The following SMARCA2 variants were observed in gnomAD, a reference collection of about 807,000 sequenced individuals.
SMARCA2 encodes SWI/SNF-related matrix-associated actin-dependent regulator of chromatin subfamily A member 2.
In SMARCA2, 61 loss-of-function variants were observed where a neutral mutation model predicts 199.8. That is an observed-to-expected ratio of 0.31 (90% confidence interval 0.25 to 0.38). The LOEUF is 0.38. Ranked by LOEUF, SMARCA2 falls within the 10% of genes least tolerant of loss-of-function variation. The probability of loss-of-function intolerance (pLI) is 1.00; values close to 1 mark genes in which losing one functional copy is unlikely to be tolerated. For synonymous variants in SMARCA2, 935 were observed against 732.0 expected (o/e 1.28, Z -4.48); for missense variants, 1,344 against 2,012.2 (o/e 0.67, Z 6.35).
chr9:2,023,396 A>G (rs2130142611), intron 1 of SMARCA2, among the ~76,000 whole-genome samples: 1 of 152,340 alleles, frequency 6.6e-6, no homozygotes, highest in East Asian at 1.9e-4. Context: ...AACAGAGCAA[A>G]GTTTTAATCT....
In SMARCA2 at chr9:2,158,626, C is replaced by G. The variant is rs532948642; in HGVS notation, c.3982-3060C>G. 2.1e-4 allele frequency: 53 copies of G among 257,298 alleles called. 2 individuals are homozygous for G. Among genetic ancestry groups the G allele is most frequent in the African/African-American group, 1.1e-3 (51 of 45,300 alleles). The allele number at this position is 257,298 out of a possible 1,614,324, so 15.9% of individuals were successfully genotyped here. On this transcript the variant is annotated intron_variant, in intron 27 of 33. Transcript: ENST00000349721. Reference sequence around the variant, plus strand: ...AAGGGAATTCTTTTTGGGGGTAGTACTTTAGCATTGTGTAGCAAGTTTTGG... The same window carrying G: ...AAGGGAATTCTTTTTGGGGGTAGTAGTTTAGCATTGTGTAGCAAGTTTTGG...
chr9:2,186,263 C>A, intron 32 of SMARCA2, 35 bp downstream of exon 32: 1 of 1,590,104 alleles, frequency 6.3e-7, no homozygotes, highest in African/African-American at 1.3e-5. Context: ...TACATCTTTG[C>A]CCCTCCTCAC....
rs576109831 is a variant in SMARCA2, at chr9:2,078,288, A to G, written c.2184+512A>G. Among the ~76,000 whole-genome samples the G allele has an allele frequency of 1.8e-4, 28 of 152,146 alleles. No individual in the cohort carries two copies. In the Middle Eastern group the frequency reaches 0.01, roughly 55 times the overall value. On this transcript the variant is annotated intron_variant, in intron 14 of 33. Coordinates refer to ENST00000349721, the MANE Select transcript of SMARCA2 (RefSeq NM_003070.5). ...GGAGCTCGAGACCAGCCTGGCCAAC[A>G]TGGTGAAACCCTCTCTCTACTAAAA...
Position 2,161,601 on chromosome 9 carries a change from G to T in SMARCA2, c.3982-85G>T. The T allele has an allele frequency of 3.6e-6, 3 of 841,598 alleles. No individual in the cohort carries two copies. Among genetic ancestry groups the T allele is most frequent in the South Asian group, 1.8e-5 (1 of 56,384 alleles). 52.1% of individuals were successfully genotyped at this position (841,598 alleles called of 1,614,324 possible). On this transcript the variant is annotated intron_variant, in intron 27 of 33. Transcript: ENST00000349721. The surrounding 1 kb of genome is among the most constrained non-coding windows in gnomAD (Gnocchi z 4.7). ...TTTCTTTCATTTTATTCTAATTGTT[G>T]GAGCTATATATAAATATACACATAC...
rs371923477 is a variant in SMARCA2, at chr9:2,024,699, ACT to A, written c.-36-4285_-36-4284del. Among the ~76,000 whole-genome samples, 72 of 151,452 alleles carry A rather than the reference ACT, an allele frequency of 4.8e-4. No homozygotes were observed. In the South Asian group the frequency reaches 0.014, roughly 29 times the overall value. The stretch of plus-strand genomic sequence containing the variant: ...TGCACATTGCTCTGGCCTGGTGAAA[ACT>A]CTGGTGGAAACATGGCTTGCTAGAT... On this transcript the variant is annotated intron_variant, in intron 1 of 33. Coordinates refer to ENST00000349721, the MANE Select transcript of SMARCA2 (RefSeq NM_003070.5).
chr9:2,087,854 G>C (rs1379073629), intron 18 of SMARCA2, among the ~76,000 whole-genome samples: 1 of 152,160 alleles, frequency 6.6e-6, no homozygotes. Context: ...TCACTGGCTT[G>C]CCCATTTGTA....
rs1013710266 is a variant in SMARCA2 at position 2,016,643 on chromosome 9, G to T, written c.-37+1239G>T. ...CGGGCAGCGGCGGTGTGGTTCGCCC[G>T]GGAAGGGGAAGGGCTGCGGTGGGGA... On this transcript the variant is annotated intron_variant, in intron 1 of 33. Coordinates refer to ENST00000349721, the MANE Select transcript of SMARCA2 (RefSeq NM_003070.5). This position sits in a 1 kb window ranked among gnomAD's most constrained non-coding sequence, Gnocchi z 5.6. 6.6e-6 allele frequency among the ~76,000 whole-genome samples: 1 copy of T among 151,274 alleles called. No homozygotes were observed. The highest frequency in any genetic ancestry group is 1.5e-5 in the Non-Finnish European group (1 of 67,742).
At chr9:2,079,661 C>T (rs1322221917) in intron 14 of SMARCA2, among the ~76,000 whole-genome samples, 1 of 152,160 alleles carries the variant, frequency 6.6e-6, no homozygotes, top group Non-Finnish European at 1.5e-5. Flanking sequence ...CTGCTCTGGC[C>T]TTAGTAAGAT....
At chr9:2,143,456 C>T (rs1490426914) in intron 27 of SMARCA2, among the ~76,000 whole-genome samples, 1 of 152,088 alleles carries the variant, frequency 6.6e-6, no homozygotes, top group East Asian at 1.9e-4. Flanking sequence ...AGAGAAGATA[C>T]CATTTGCATT....
intron 27 of SMARCA2, among the ~76,000 whole-genome samples, chr9:2,145,013 A>G (rs1226316696): frequency 6.6e-6 from 1 of 152,160 alleles, no homozygotes; most frequent in African/African-American, 2.4e-5. Context: ...AAACTTAGAG[A>G]AACGCGCTGG....
At chr9:2,124,400 A>G (rs1823596781) in intron 27 of SMARCA2, among the ~76,000 whole-genome samples, 1 of 152,200 alleles carries the variant, frequency 6.6e-6, no homozygotes, top group Non-Finnish European at 1.5e-5. Context: ...GGGATAGCAG[A>G]GTTTTCTAAC....
At position 2,020,383 on chromosome 9, in the gene SMARCA2, A is replaced by G. The variant is rs369743001; in HGVS notation, c.-37+4979A>G. On this transcript the variant is annotated intron_variant, in intron 1 of 33. Coordinates refer to ENST00000349721, the MANE Select transcript of SMARCA2 (RefSeq NM_003070.5). ...TAACCTTTAGCCGGTTAATAAAGCC[A>G]TGGGTCATTCGCTAAGTAGTGAATA... Among the ~76,000 whole-genome samples the G allele has an allele frequency of 7.2e-5, 11 of 152,262 alleles. No homozygotes were observed. In the East Asian group the frequency reaches 1.3e-3, roughly 19 times the overall value.
At chr9:2,186,389 C>T (rs982331904) in intron 32 of SMARCA2, among the ~76,000 whole-genome samples, 161 bp downstream of exon 32, 2 of 152,162 alleles carry the variant, frequency 1.3e-5, no homozygotes, top group South Asian at 2.1e-4. Context: ...TGTCCTTATC[C>T]CTGCTCATGC....
At chr9:2,055,962 A>T (rs1442108917) in intron 6 of SMARCA2, among the ~76,000 whole-genome samples, 1 of 152,012 alleles carries the variant, frequency 6.6e-6, no homozygotes, top group Non-Finnish European at 1.5e-5. Context: ...AAGCTTCCTA[A>T]TTAAATTAAC....
chr9:2,182,143 A>T lies in SMARCA2; in HGVS notation c.4362A>T (p.Glu1454Asp), dbSNP rs1303779231. 2 of 1,595,606 alleles carry T rather than the reference A, an allele frequency of 1.3e-6. No individual in the cohort carries two copies. The highest frequency in any genetic ancestry group is 4.5e-5 in the East Asian group (2 of 44,822). ...ATTTTCTCCAAAATTTCCATCAGGA[A>T]AGGATTCGTAATCATAAGTACCGGA... Reference protein sequence around the residue: ...RKPVDFKKIKERIRNHKYRSL... With the variant: ...RKPVDFKKIKDRIRNHKYRSL... Residue 1454 changes from glutamate to aspartate, a missense_variant and splice_region_variant, in exon 31 of 34, where the codon GAA becomes GAT. Physicochemically the swap from Glu to Asp is conservative, Grantham distance 45. Around this residue, in one of 18 missense-constraint regions of SMARCA2, gnomAD observed 151 missense variants for 154.0 expected, o/e 0.98. Transcript: ENST00000349721.
chr9:2,056,774 G>C lies in SMARCA2; in HGVS notation c.1276G>C (p.Ala426Pro), dbSNP rs1820373038. ...GAGCAAGCGCCAGACTCTGAGAGAA[G>C]CTCGCATGACCGAGAAGCTGGAGAA... ...KRSKRQTLRE[A>P]RMTEKLEKQQ... Residue 426 changes from alanine to proline, a missense_variant, in exon 7 of 34, where the codon GCT (alanine) becomes CCT (proline). Transcript: ENST00000349721. This position sits in a 1 kb window ranked among gnomAD's most constrained non-coding sequence, Gnocchi z 4.0. 1 of 1,614,238 alleles carries C rather than the reference G, an allele frequency of 6.2e-7. No individual in the cohort carries two copies.
chr9:2,094,331 G>A (rs761525565), intron 19 of SMARCA2, among the ~76,000 whole-genome samples: 2 of 152,176 alleles, frequency 1.3e-5, no homozygotes, highest in Non-Finnish European at 1.5e-5. Flanking sequence ...ACTTGACCTC[G>A]TTGAGAATGC....
rs1819482744 is a variant in SMARCA2, at chr9:2,039,485, A to T, written c.375A>T (p.Pro125=). The T allele has an allele frequency of 6.2e-7, 1 of 1,613,784 alleles. No individual in the cohort carries two copies. Among genetic ancestry groups the T allele is most frequent in the South Asian group, 1.1e-5 (1 of 91,080 alleles). Residue 125 remains proline, a synonymous_variant, in exon 4 of 34, where the codon CCA becomes CCT. Transcript: ENST00000349721. The surrounding 1 kb of genome is among the most constrained non-coding windows in gnomAD (Gnocchi z 4.8). ...QHSQGYMSPH[P]SPLGAPEHVS... ...TTTTAGGTTATATGTCACCACACCC[A>T]TCTCCATTAGGAGCCCCAGAGCACG...
intron 27 of SMARCA2, among the ~76,000 whole-genome samples, chr9:2,136,871 C>T (rs1340579219): frequency 6.6e-6 from 1 of 152,166 alleles, no homozygotes; most frequent in Non-Finnish European, 1.5e-5. Context: ...ACATATTTTA[C>T]TTAATGCTAG....
Sources: gnomAD v4.1 joint callset for allele counts (sites outside exome capture counted in the v4.1 genomes callset) on GRCh38, gnomAD v4.1.1 for gene constraint, gnomAD v4.1.1 regional missense constraint, Gnocchi (gnomAD v3.1) non-coding constraint, MANE v1.5 for transcripts, NCBI Gene and HGNC (gene_info 2026-07-23, HGNC 2026-07-21) for gene names.